The following ATRNL1 variants were observed in gnomAD, a reference collection of about 807,000 sequenced individuals.
ATRNL1 encodes the protein attractin like 1.
ATRNL1 carries 95 observed loss-of-function variants against 182.7 expected under a neutral mutation model. That is an observed-to-expected ratio of 0.52 (90% confidence interval 0.44 to 0.62). The LOEUF (loss-of-function observed/expected upper bound fraction) is 0.62. ATRNL1 is among the 20% of genes least tolerant of loss of function. The probability of loss-of-function intolerance (pLI) is 0.00; values close to 1 mark genes in which losing one functional copy is unlikely to be tolerated. For missense variants in ATRNL1, 1,471 were observed against 1,679.5 expected (o/e 0.88, Z 2.17); for synonymous variants, 576 against 568.3 (o/e 1.01, Z -0.19).
chr10:115,123,678 C>T (rs370927886), intron 3 of ATRNL1, among the ~76,000 whole-genome samples: 9 of 152,244 alleles, frequency 5.9e-5, no homozygotes, highest in Admixed American at 6.5e-5. Context: ...CCCAGATCCC[C>T]GTACCAGTCC....
At chr10:115,534,740 G>T (rs1321923161) in intron 25 of ATRNL1, among the ~76,000 whole-genome samples, 1 of 151,440 alleles carries the variant, frequency 6.6e-6, no homozygotes, top group Admixed American at 6.6e-5. Context: ...TGTAGCAGCT[G>T]GTACCGGTTG....
chr10:115,478,035 A>C (rs1848610172), intron 24 of ATRNL1, among the ~76,000 whole-genome samples: 1 of 151,672 alleles, frequency 6.6e-6, no homozygotes, highest in Non-Finnish European at 1.5e-5. Flanking sequence ...GAAATTCTTA[A>C]ATTACAAGTG....
At chr10:115,646,681 A>T (rs1362522218) in intron 26 of ATRNL1, among the ~76,000 whole-genome samples, 1 of 150,214 alleles carries the variant, frequency 6.7e-6, no homozygotes, top group African/African-American at 2.5e-5. Context: ...AAGCCCTCCC[A>T]TACTTTTCCC....
chr10:115,493,598 T>C (rs541598186), intron 24 of ATRNL1, among the ~76,000 whole-genome samples: 1 of 152,224 alleles, frequency 6.6e-6, no homozygotes, highest in Non-Finnish European at 1.5e-5. Flanking sequence ...TTCTTTATGG[T>C]AGAACGATTT....
At chr10:115,657,495 T>A (rs139791888) in intron 26 of ATRNL1, among the ~76,000 whole-genome samples, 1 of 152,356 alleles carries the variant, frequency 6.6e-6, no homozygotes, top group African/African-American at 2.4e-5. Flanking sequence ...TGTTAATAAC[T>A]GTGCAAAATG....
chr10:115,320,696 T>C (rs150085476), intron 18 of ATRNL1, among the ~76,000 whole-genome samples: 5 of 152,308 alleles, frequency 3.3e-5, no homozygotes, highest in African/African-American at 9.6e-5. Flanking sequence ...TATTGATACT[T>C]GTGTTTGCTT....
intron 27 of ATRNL1, among the ~76,000 whole-genome samples, chr10:115,809,391 T>C (rs1223394898): frequency 6.6e-6 from 1 of 152,072 alleles, no homozygotes; most frequent in Non-Finnish European, 1.5e-5. Context: ...TTGGGTTGAA[T>C]CTATGGACCA....
intron 27 of ATRNL1, among the ~76,000 whole-genome samples, chr10:115,805,636 C>T (rs80342346): frequency 0.05 from 7,531 of 152,012 alleles, 534 homozygotes; most frequent in African/African-American, 0.16. Context: ...GCACCTTAAA[C>T]TTGTCAGGGT....
intron 25 of ATRNL1, among the ~76,000 whole-genome samples, chr10:115,536,728 G>A (rs782262752): frequency 3.9e-5 from 6 of 152,298 alleles, no homozygotes; most frequent in South Asian, 2.1e-4. Flanking sequence ...GCTGCAGACC[G>A]GAGCTGTTCC....
intron 8 of ATRNL1, among the ~76,000 whole-genome samples, chr10:115,179,457 T>G (rs1192099684): frequency 6.6e-6 from 1 of 152,148 alleles, no homozygotes; most frequent in East Asian, 1.9e-4. Flanking sequence ...TCCTCTTGCT[T>G]TTTTAAGGCC....
In ATRNL1 at chr10:115,210,937, C is replaced by T. The variant is rs1009532642; in HGVS notation, c.1349-4760C>T. Among the ~76,000 whole-genome samples the T allele has an allele frequency of 5.3e-5, 8 of 151,650 alleles. 1 individual carries two copies. Among genetic ancestry groups the T allele is most frequent in the African/African-American group, 1.7e-4 (7 of 41,422 alleles). On this transcript the variant is annotated intron_variant, in intron 8 of 28. Coordinates refer to ENST00000355044, the MANE Select transcript of ATRNL1 (RefSeq NM_207303.4). ...TTTTAAATATCATTATCTTGAGTAT[C>T]GGATGGTGTTATAATTTTTTTCCAT...
At chr10:115,817,160 T>C (rs1429509549) in intron 27 of ATRNL1, among the ~76,000 whole-genome samples, 2 of 151,996 alleles carry the variant, frequency 1.3e-5, no homozygotes, top group Non-Finnish European at 2.9e-5. Context: ...CACAGGGACA[T>C]AAAGACATCC....
intron 27 of ATRNL1, among the ~76,000 whole-genome samples, chr10:115,727,626 T>A (rs1197989848): frequency 1.3e-5 from 2 of 152,204 alleles, no homozygotes; most frequent in African/African-American, 4.8e-5. Context: ...TGAGGGAATT[T>A]AAGATATAGG....
intron 8 of ATRNL1, among the ~76,000 whole-genome samples, chr10:115,197,413 T>A (rs558633199): frequency 9.2e-5 from 14 of 152,240 alleles, no homozygotes; most frequent in African/African-American, 3.4e-4. Flanking sequence ...TTTTAAGAGT[T>A]TATGTAGAAT....
chr10:115,692,853 G>C (rs563643257), intron 26 of ATRNL1, among the ~76,000 whole-genome samples: 4 of 152,150 alleles, frequency 2.6e-5, no homozygotes, highest in African/African-American at 9.6e-5. Flanking sequence ...ATGTATATGT[G>C]ATGCTAAGGT....
intron 27 of ATRNL1, among the ~76,000 whole-genome samples, chr10:115,755,440 G>C (rs1948561371): frequency 6.6e-6 from 1 of 152,146 alleles, no homozygotes; most frequent in African/African-American, 2.4e-5. Context: ...TGTGGTTTTT[G>C]TCATTGGTTC....
At chr10:115,896,070 T>TATC (rs1228574339) in intron 28 of ATRNL1, among the ~76,000 whole-genome samples, 6 of 152,122 alleles carry the variant, frequency 3.9e-5, no homozygotes, top group Non-Finnish European at 8.8e-5. Context: ...TCACTGTCAT[T>TATC]ATCATCATCA....
intron 28 of ATRNL1, among the ~76,000 whole-genome samples, chr10:115,907,215 A>G (rs1251687114): frequency 6.6e-6 from 1 of 152,232 alleles, no homozygotes; most frequent in East Asian, 1.9e-4. Context: ...TCTGCCTCCC[A>G]TTAATGACAA....
intron 21 of ATRNL1, among the ~76,000 whole-genome samples, chr10:115,445,330 C>T (rs2134460194): frequency 6.9e-6 from 1 of 144,898 alleles, no homozygotes; most frequent in East Asian, 2.2e-4. Context: ...TACTCAGGAG[C>T]TGAGGCACAA....
Sources: allele counts gnomAD v4.1 joint callset (sites outside exome capture counted in the v4.1 genomes callset), GRCh38; gene constraint gnomAD v4.1.1; transcripts MANE v1.5; gene names NCBI Gene and HGNC (gene_info 2026-07-23, HGNC 2026-07-21).